The following TENT2 variants were observed in gnomAD, a reference collection of about 807,000 sequenced individuals.
TENT2 encodes terminal nucleotidyltransferase 2, also known as poly(A) RNA polymerase GLD2.
A neutral mutation model predicts 72.2 loss-of-function variants in TENT2; 44 were observed. The observed-to-expected ratio is 0.61, with a 90% CI of 0.48 to 0.78. The LOEUF (loss-of-function observed/expected upper bound fraction) is 0.78. TENT2 is among the 30% of genes least tolerant of loss of function. The pLI, the probability that TENT2 is intolerant of heterozygous loss-of-function variation, is 0.00. For synonymous variants in TENT2, 212 were observed against 192.5 expected, an observed-to-expected ratio of 1.10 and a Z score of -0.84; for missense variants, 541 against 569.6, an observed-to-expected ratio of 0.95 and a Z score of 0.51.
At chr5:79,634,234 G>C (rs1778254867) in intron 4 of TENT2, among the ~76,000 whole-genome samples, 1 of 151,674 alleles carries the variant, frequency 6.6e-6, no homozygotes, top group African/African-American at 2.4e-5. Flanking sequence ...TTCAGACAAT[G>C]GCAATTTTAT....
chr5:79,649,234 AGC>A (rs1291550003), intron 10 of TENT2, 44 bp downstream of exon 10: 1 of 1,569,884 alleles, frequency 6.4e-7, no homozygotes, highest in African/African-American at 1.4e-5. Flanking sequence ...AGTAAAAGAC[AGC>A]TTTATTATGG....
Position 79,640,892 on chromosome 5 carries a change from G to A in TENT2, c.507G>A (p.Gln169=), listed in dbSNP as rs772894889. 5.0e-6 allele frequency: 8 copies of A among 1,611,264 alleles called. No homozygotes were observed. Among genetic ancestry groups the A allele is most frequent in the Non-Finnish European group, 3.4e-6 (4 of 1,179,032 alleles). Residue 169 remains glutamine, a synonymous_variant, in exon 5 of 15, where the codon CAG becomes CAA. Transcript: ENST00000453514. ...TGGAGTTATTTGAAACATGTCAGCA[G>A]CAAATAAGTGATTTAAAGAAGAAAG... ...QILELFETCQ[Q]QISDLKKKEL...
intron 10 of TENT2, among the ~76,000 whole-genome samples, chr5:79,655,746 GT>G (rs551151075): frequency 0.21 from 30,293 of 143,958 alleles, 4,422 homozygotes; most frequent in African/African-American, 0.42. Flanking sequence ...TAATGATTGA[GT>G]TTTTTTTTTT....
intron 11 of TENT2, among the ~76,000 whole-genome samples, chr5:79,661,720 G>A (rs61196068): frequency 0.2 from 30,827 of 152,094 alleles, 4,623 homozygotes; most frequent in African/African-American, 0.42. Context: ...TGATACTGAC[G>A]GCTCCTGACT....
intron 4 of TENT2, among the ~76,000 whole-genome samples, chr5:79,635,533 T>C (rs1406810279): frequency 2.6e-5 from 4 of 152,166 alleles, no homozygotes; most frequent in Non-Finnish European, 5.9e-5. Context: ...ATAAATATAA[T>C]AACATTTCAC....
At chr5:79,647,115 A>G (rs1789717490) in intron 8 of TENT2, among the ~76,000 whole-genome samples, 1 of 152,158 alleles carries the variant, frequency 6.6e-6, no homozygotes, top group South Asian at 2.1e-4. Flanking sequence ...ATTTGGTTAT[A>G]TCATTAAATA....
In TENT2 at chr5:79,687,476, A is replaced by G. The variant is rs901130649; in HGVS notation, c.*2203A>G. 6.6e-6 allele frequency among the ~76,000 whole-genome samples: 1 copy of G among 152,206 alleles called. No homozygotes were observed. The highest frequency in any genetic ancestry group is 1.5e-5 in the Non-Finnish European group (1 of 68,030). On this transcript the variant is annotated 3_prime_UTR_variant, in exon 15 of 15. Coordinates refer to ENST00000453514, the MANE Select transcript of TENT2 (RefSeq NM_001114394.3). Reference sequence around the variant, plus strand: ...TTATATAAAATGGTGTAGTGTTTGCATATATCCTACACACATTCTCTTGAT... The same window carrying G: ...TTATATAAAATGGTGTAGTGTTTGCGTATATCCTACACACATTCTCTTGAT...
intron 4 of TENT2, among the ~76,000 whole-genome samples, chr5:79,633,448 T>C (rs927252493): frequency 1.3e-5 from 2 of 148,312 alleles, no homozygotes; most frequent in African/African-American, 5.0e-5. Context: ...TTTTTTTTTT[T>C]TTTTTTTTTG....
In TENT2 at chr5:79,620,092, T is replaced by C; in HGVS notation, c.227+9T>C. 7 of 1,552,766 alleles carry C rather than the reference T, an allele frequency of 4.5e-6. No individual in the cohort carries two copies. Among genetic ancestry groups the C allele is most frequent in the Non-Finnish European group, 6.2e-6 (7 of 1,129,104 alleles). On this transcript the variant is annotated intron_variant, in intron 3 of 14. Transcript: ENST00000453514. ...TTATTTCGAGGAAGGAAGTAAGTAC[T>C]TCTTAATTATTTTAAAAGAATATTT...
At chr5:79,620,191 T>C in intron 3 of TENT2, 108 bp downstream of exon 3, 1 of 690,870 alleles carries the variant, frequency 1.4e-6, no homozygotes, top group East Asian at 2.9e-5. Flanking sequence ...ATGTTTTGTT[T>C]TCTGGGACCT....
At chr5:79,632,066 T>A (rs2150198697) in intron 4 of TENT2, among the ~76,000 whole-genome samples, 1 of 152,292 alleles carries the variant, frequency 6.6e-6, no homozygotes, top group South Asian at 2.1e-4. Flanking sequence ...GGAGAATGTT[T>A]GAAATACCAT....
intron 4 of TENT2, among the ~76,000 whole-genome samples, chr5:79,634,168 A>G (rs1029234302): frequency 2.0e-5 from 3 of 151,500 alleles, no homozygotes; most frequent in African/African-American, 7.3e-5. Flanking sequence ...AAAAAAAAAA[A>G]AAAAACTTTC....
At chr5:79,666,373 TTC>T (rs1352815279) in intron 11 of TENT2, among the ~76,000 whole-genome samples, 1 of 151,580 alleles carries the variant, frequency 6.6e-6, no homozygotes, top group Non-Finnish European at 1.5e-5. Flanking sequence ...TGTCTTTTCT[TTC>T]TTTTTTTTTT....
At chr5:79,683,382 C>T (rs1823717520) in intron 14 of TENT2, among the ~76,000 whole-genome samples, 1 of 151,952 alleles carries the variant, frequency 6.6e-6, no homozygotes, top group Admixed American at 6.6e-5. Context: ...TAGTGGTATG[C>T]ACCTGTGTCT....
intron 4 of TENT2, among the ~76,000 whole-genome samples, chr5:79,624,917 G>A (rs1768193903): frequency 6.6e-6 from 1 of 152,320 alleles, no homozygotes; most frequent in Admixed American, 6.5e-5. Flanking sequence ...CTCTTGGAGT[G>A]AAATTGCTTG....
intron 11 of TENT2, among the ~76,000 whole-genome samples, chr5:79,661,073 G>A (rs1802499781): frequency 6.6e-6 from 1 of 152,148 alleles, no homozygotes; most frequent in Non-Finnish European, 1.5e-5. Flanking sequence ...GTTGTGCAAT[G>A]TGTTTGTATT....
intron 4 of TENT2, among the ~76,000 whole-genome samples, chr5:79,627,960 A>G (rs180968240): frequency 6.0e-4 from 92 of 152,348 alleles, no homozygotes; most frequent in Non-Finnish European, 2.6e-4. Context: ...CAGCAACCCC[A>G]TGACATGGAT....
rs1465958909 is a variant in TENT2 at position 79,640,940 on chromosome 5, G to A, written c.555G>A (p.Gln185=). The stretch of plus-strand genomic sequence containing the variant: ...AAGAACTCTGTCGAACACAGCTGCA[G>A]AGAGAAATTCAGCTGTTATTTCCAC... ...KKKELCRTQL[Q]REIQLLFPQS... The change falls in exon 5 of 15, where the codon CAG becomes CAA. Residue 185 remains glutamine, a synonymous_variant. Coordinates refer to ENST00000453514, the MANE Select transcript of TENT2 (RefSeq NM_001114394.3). 3 of 1,609,634 alleles carry A rather than the reference G, an allele frequency of 1.9e-6. No homozygotes were observed. The African/African-American group carries it at 4.0e-5, about 22-fold the overall frequency.
At position 79,612,699 on chromosome 5, in the gene TENT2, C is replaced by T. The variant is rs1756128478; in HGVS notation, c.-414C>T. 1 of 152,718 alleles carries T rather than the reference C, an allele frequency of 6.5e-6. No homozygotes were observed. The highest frequency in any genetic ancestry group is 2.4e-5 in the African/African-American group (1 of 41,436). The allele number at this position is 152,718 out of a possible 1,614,324, so 9.5% of individuals were successfully genotyped here. On this transcript the variant is annotated 5_prime_UTR_variant, in exon 1 of 15. Transcript: ENST00000453514. ...GGAGAAAGCTACGACCAAGTACGCCCAGCTCGGGCCTTAGAACTTCTGAAC... is the reference window on the plus strand; with the variant it reads ...GGAGAAAGCTACGACCAAGTACGCCTAGCTCGGGCCTTAGAACTTCTGAAC...
Sources: allele counts gnomAD v4.1 joint callset (sites outside exome capture counted in the v4.1 genomes callset), GRCh38; gene constraint gnomAD v4.1.1; transcripts MANE v1.5; gene names NCBI Gene and HGNC (gene_info 2026-07-23, HGNC 2026-07-21).